The following NFIA variants were observed in gnomAD, a reference collection of about 807,000 sequenced individuals.
NFIA encodes nuclear factor 1 A-type.
NFIA carries 8 observed loss-of-function variants against 62.8 expected under a neutral mutation model. The ratio of observed to expected loss-of-function variants is 0.13; its 90% confidence interval spans 0.07 to 0.23. The LOEUF (loss-of-function observed/expected upper bound fraction) is 0.23. Among genes scored for constraint, NFIA ranks in the 10% least tolerant of loss-of-function variants. The pLI, the probability that NFIA is intolerant of heterozygous loss-of-function variation, is 1.00. For missense variants in NFIA, 410 were observed against 642.1 expected, an observed-to-expected ratio of 0.64 and a Z score of 3.91; for synonymous variants, 235 against 238.1, an observed-to-expected ratio of 0.99 and a Z score of 0.12.
chr1:61,080,923 C>T (rs550496705), upstream of NFIA, among the ~76,000 whole-genome samples: 11 of 152,290 alleles, frequency 7.2e-5, no homozygotes, highest in African/African-American at 2.6e-4. Context: ...CTGCCCCTTG[C>T]TTTGAAAAGA....
At chr1:61,328,928 G>A (rs1405268030) in intron 3 of NFIA, among the ~76,000 whole-genome samples, 2 of 144,762 alleles carry the variant, frequency 1.4e-5, no homozygotes, top group Admixed American at 1.4e-4. Flanking sequence ...TCACCATGTT[G>A]GCCAGGCTGG....
At chr1:61,419,118 T>C (rs1055927677) in intron 9 of NFIA, among the ~76,000 whole-genome samples, 21 of 152,226 alleles carry the variant, frequency 1.4e-4, no homozygotes, top group African/African-American at 5.1e-4. Flanking sequence ...TAAAAACTAT[T>C]ATGAGAAAGA....
upstream of NFIA, chr1:61,082,458 C>T (rs1178031646): frequency 2.9e-6 from 3 of 1,052,020 alleles, no homozygotes; most frequent in Admixed American, 1.2e-4. Flanking sequence ...GGGCAGCTCG[C>T]GGGCACCCGG....
intron 9 of NFIA, among the ~76,000 whole-genome samples, chr1:61,423,609 T>G (rs1048024014): frequency 6.6e-6 from 1 of 152,216 alleles, no homozygotes; most frequent in Non-Finnish European, 1.5e-5. Context: ...ATTGCCCCTT[T>G]GCTTGATTTT....
At position 61,088,139 on chromosome 1, in the gene NFIA, A is replaced by C. The variant is rs765323003; in HGVS notation, c.28-10A>C. ...TCTACTTATATTTTTCTTTTTGTTC[A>C]TTTTCCTAGGATGAATTTCATCCTT... On this transcript the variant is annotated splice_polypyrimidine_tract_variant and intron_variant, in intron 1 of 10. Coordinates refer to ENST00000403491, the MANE Select transcript of NFIA (RefSeq NM_001134673.4). This position sits in a 1 kb window ranked among gnomAD's most constrained non-coding sequence, Gnocchi z 4.5. The C allele has an allele frequency of 6.4e-7, 1 of 1,569,822 alleles. No individual in the cohort carries two copies. The highest frequency in any genetic ancestry group is 1.2e-5 in the South Asian group (1 of 84,274).
At chr1:61,161,705 TTATGTGTG>T (rs1297727578) in intron 2 of NFIA, among the ~76,000 whole-genome samples, 2 of 152,080 alleles carry the variant, frequency 1.3e-5, no homozygotes, top group Admixed American at 6.6e-5. Context: ...GAGCATGTGT[TTATGTGTG>T]TATGTGTATC....
chr1:61,391,719 T>C (rs74086962), intron 7 of NFIA, among the ~76,000 whole-genome samples: 2,095 of 152,316 alleles, frequency 0.014, 51 homozygotes, highest in African/African-American at 0.048. Flanking sequence ...ACTACTGTAA[T>C]TGTGGCACCC....
intron 3 of NFIA, among the ~76,000 whole-genome samples, chr1:61,280,165 C>T (rs969596328): frequency 9.9e-5 from 15 of 152,132 alleles, no homozygotes; most frequent in Admixed American, 9.2e-4. Context: ...CTTAAAGACA[C>T]GTAATCCCAA....
chr1:61,262,178 T>G (rs989017765), intron 2 of NFIA, among the ~76,000 whole-genome samples: 2 of 152,126 alleles, frequency 1.3e-5, no homozygotes, highest in African/African-American at 4.8e-5. Flanking sequence ...GAGTTTTGAG[T>G]GATTTATGAA....
chr1:61,141,861 A>G (rs866935270), intron 2 of NFIA, among the ~76,000 whole-genome samples: 9 of 152,336 alleles, frequency 5.9e-5, no homozygotes, highest in Middle Eastern at 6.8e-3. Flanking sequence ...GTGGGAAGAT[A>G]CAGTTTCTGC....
upstream of NFIA, among the ~76,000 whole-genome samples, chr1:61,079,783 G>A (rs891800081): frequency 6.6e-6 from 1 of 152,166 alleles, no homozygotes; most frequent in Admixed American, 6.5e-5. Context: ...CTCTGGACAA[G>A]GATTTACTTT....
chr1:61,152,700 C>G (rs1648509940), intron 2 of NFIA, among the ~76,000 whole-genome samples: 1 of 152,000 alleles, frequency 6.6e-6, no homozygotes, highest in Non-Finnish European at 1.5e-5. Context: ...AGTCCAGAAA[C>G]ATTATCACAT....
At chr1:61,315,661 C>G (rs1660330952) in intron 3 of NFIA, among the ~76,000 whole-genome samples, 1 of 152,100 alleles carries the variant, frequency 6.6e-6, no homozygotes, top group Non-Finnish European at 1.5e-5. Flanking sequence ...TCTGAACAAG[C>G]AGTTGAAACA....
Position 61,331,924 on chromosome 1 carries a change from A to G in NFIA, c.626-588A>G, listed in dbSNP as rs559394175. Among the ~76,000 whole-genome samples, 14 of 152,292 alleles carry G rather than the reference A, an allele frequency of 9.2e-5. No individual in the cohort carries two copies. The South Asian group carries it at 2.9e-3, about 32-fold the overall frequency. ...CAAAAAAATCAACAGACACAAAAAAAAATTTGGGGTGTATAAATAATCTGA... is the reference window on the plus strand; with the variant it reads ...CAAAAAAATCAACAGACACAAAAAAGAATTTGGGGTGTATAAATAATCTGA... On this transcript the variant is annotated intron_variant, in intron 3 of 10. Coordinates refer to ENST00000403491, the MANE Select transcript of NFIA (RefSeq NM_001134673.4).
At chr1:61,268,515 A>G (rs923549902) in intron 2 of NFIA, among the ~76,000 whole-genome samples, 14 of 151,536 alleles carry the variant, frequency 9.2e-5, no homozygotes, top group Admixed American at 7.2e-4. Context: ...CAAAATTTCT[A>G]GGGAGCCTTA....
At chr1:61,325,039 C>CAGT (rs1553172998) in intron 3 of NFIA, among the ~76,000 whole-genome samples, 1 of 152,190 alleles carries the variant, frequency 6.6e-6, no homozygotes, top group Non-Finnish European at 1.5e-5. Flanking sequence ...TGCTCCTGAA[C>CAGT]AGTAGTACAG....
At chr1:61,371,468 TA>T (rs917189522) in intron 6 of NFIA, among the ~76,000 whole-genome samples, 158 of 151,772 alleles carry the variant, frequency 1.0e-3, no homozygotes, top group African/African-American at 3.7e-3. Flanking sequence ...TCATTTAGAA[TA>T]AAAAAAAATC....
At chr1:61,082,476 G>T, upstream of NFIA, 1 of 1,068,396 alleles carries the variant, frequency 9.4e-7, no homozygotes, top group South Asian at 3.2e-5. Flanking sequence ...CGGCCGGGCC[G>T]GCGCGGGAGC....
At chr1:61,413,665 C>T (rs985250113) in intron 9 of NFIA, among the ~76,000 whole-genome samples, 1 of 118,074 alleles carries the variant, frequency 8.5e-6, no homozygotes, top group Non-Finnish European at 1.6e-5. Context: ...CTCGCTTGGT[C>T]ACCCAGGCTG....
Sources: allele counts gnomAD v4.1 joint callset (sites outside exome capture counted in the v4.1 genomes callset), GRCh38; gene constraint gnomAD v4.1.1; non-coding constraint Gnocchi (gnomAD v3.1); transcripts MANE v1.5; gene names NCBI Gene and HGNC (gene_info 2026-07-23, HGNC 2026-07-21).